POR: variants seen among roughly 807,000 people sequenced by gnomAD.
The protein encoded by POR is NADPH--cytochrome P450 reductase.
A neutral mutation model predicts 84.0 loss-of-function variants in POR; 56 were observed. The ratio of observed to expected loss-of-function variants is 0.67; its 90% CI spans 0.54 to 0.83. POR has a LOEUF of 0.83. Among genes scored for constraint, POR ranks in the 40% least tolerant of loss-of-function variants. POR has a pLI of 0.00. For synonymous variants in POR, 414 were observed against 400.5 expected (o/e 1.03, Z -0.40); for missense variants, 938 against 944.3 (o/e 0.99, Z 0.09).
chr7:75,917,861 G>A (rs1269083284), intron 1 of POR, among the ~76,000 whole-genome samples: 6 of 152,146 alleles, frequency 3.9e-5, no homozygotes, highest in Non-Finnish European at 7.3e-5. Flanking sequence ...AGCCTTAAAA[G>A]ACTTTCAAAT....
intron 1 of POR, among the ~76,000 whole-genome samples, chr7:75,916,534 G>A (rs1445440874): frequency 3.9e-5 from 6 of 152,070 alleles, no homozygotes; most frequent in Non-Finnish European, 4.4e-5. Flanking sequence ...TTAAGAGAGT[G>A]GTTTTTGAGC....
At chr7:75,984,149 T>A (rs1344758997) in intron 10 of POR, among the ~76,000 whole-genome samples, 1 of 152,184 alleles carries the variant, frequency 6.6e-6, no homozygotes, top group Non-Finnish European at 1.5e-5. Flanking sequence ...GGCCACTGTG[T>A]CCTGCTGGGA....
chr7:75,986,330 T>C lies in POR; in HGVS notation c.1899-7T>C. On this transcript the variant is annotated splice_polypyrimidine_tract_variant and splice_region_variant and intron_variant, in intron 15 of 15. Coordinates refer to ENST00000461988, the MANE Select transcript of POR (RefSeq NM_000941.3). ...CCCAGCCCCCAGCACCCCCTCTTCC[T>C]GCCCAGGGATGCACGGAACATGGCC... is the stretch of plus-strand genomic sequence containing the variant. 6.2e-7 allele frequency: 1 copy of C among 1,612,646 alleles called. No individual in the cohort carries two copies. The highest frequency in any genetic ancestry group is 8.5e-7 in the Non-Finnish European group (1 of 1,179,846).
chr7:75,940,816 C>T lies in POR; in HGVS notation c.-4-13173C>T, dbSNP rs191494582. On this transcript the variant is annotated intron_variant, in intron 1 of 15. Coordinates refer to ENST00000461988, the MANE Select transcript of POR (RefSeq NM_000941.3). The stretch of plus-strand genomic sequence containing the variant: ...AAAAAAGAAAAAACGTAGGCACTCT[C>T]ATAATGGTGAGGGTCATCCTGCCTC... Among the ~76,000 whole-genome samples the T allele has an allele frequency of 1.6e-4, 24 of 152,022 alleles. No homozygotes were observed. In the East Asian group the frequency reaches 2.3e-3, roughly 15 times the overall value.
At chr7:75,965,775 A>G (rs782215320) in intron 2 of POR, among the ~76,000 whole-genome samples, 11 of 152,150 alleles carry the variant, frequency 7.2e-5, no homozygotes, top group Non-Finnish European at 1.2e-4. Flanking sequence ...AGACTTGCTC[A>G]CGGAGTCCTG....
At chr7:75,952,629 C>T (rs1351168681) in intron 1 of POR, among the ~76,000 whole-genome samples, 9 of 151,522 alleles carry the variant, frequency 5.9e-5, no homozygotes, top group Admixed American at 2.0e-4. Flanking sequence ...AGAGACGCTC[C>T]TCACCTCCCA....
chr7:75,958,609 C>T (rs1217405997), intron 2 of POR, among the ~76,000 whole-genome samples: 3 of 152,092 alleles, frequency 2.0e-5, no homozygotes, highest in African/African-American at 4.8e-5. Context: ...GCTCCACAAG[C>T]CATGTTTTCT....
rs782056245 is a variant in POR at position 75,984,775 on chromosome 7, AGAG to A, written c.1069_1071del (p.Glu357del). 154 of 1,612,238 alleles carry A rather than the reference AGAG, an allele frequency of 9.6e-5. No homozygotes were observed. Among genetic ancestry groups the A allele is most frequent in the Non-Finnish European group, 5.4e-5 (64 of 1,179,692 alleles). On this transcript the variant is annotated splice_acceptor_variant and coding_sequence_variant, in exon 11 of 16. Coordinates refer to ENST00000461988, the MANE Select transcript of POR (RefSeq NM_000941.3). LOFTEE classifies it high-confidence loss of function. ...CAAGTCCTGCCTGTCTCTTCCCTGC[AGAG>A]GAGTCCAACAAGAAGCACCCATTCC...
In POR at chr7:75,986,708, TGCCTCTGGAG is replaced by T. The variant is rs1413980550; in HGVS notation, c.*236_*245del. 8 of 614,320 alleles carry T rather than the reference TGCCTCTGGAG, an allele frequency of 1.3e-5. No individual in the cohort carries two copies. Among genetic ancestry groups the T allele is most frequent in the African/African-American group, 9.2e-5 (5 of 54,224 alleles). The allele number at this position is 614,320 out of a possible 1,614,324, so 38.1% of individuals were successfully genotyped here. The stretch of plus-strand genomic sequence containing the variant: ...GCCTGCATGGGGGCACCGGGCTCCA[TGCCTCTGGAG>T]GCCTCTGGCCCTCGGTGGCTGCACA... On this transcript the variant is annotated 3_prime_UTR_variant, in exon 16 of 16. Coordinates refer to ENST00000461988, the MANE Select transcript of POR (RefSeq NM_000941.3).
chr7:75,986,008 C>T lies in POR; in HGVS notation c.1755C>T (p.Phe585=). The T allele has an allele frequency of 6.4e-7, 1 of 1,568,658 alleles. No homozygotes were observed. The highest frequency in any genetic ancestry group is 2.4e-5 in the East Asian group (1 of 42,260). The change falls in exon 14 of 16, where the codon TTC becomes TTT. Residue 585 remains phenylalanine, a synonymous_variant. Transcript: ENST00000461988. The stretch of plus-strand genomic sequence containing the variant: ...TGTACCGGGAGGAGCTGGCGCAGTT[C>T]CACAGGGACGGTGCGCTCACCCAGC...
At chr7:75,954,776 C>T (rs1415509793) in intron 2 of POR, among the ~76,000 whole-genome samples, 2 of 149,536 alleles carry the variant, frequency 1.3e-5, no homozygotes, top group Non-Finnish European at 3.0e-5. Context: ...GGTGCGATCT[C>T]GGCTCACTGC....
intron 1 of POR, among the ~76,000 whole-genome samples, chr7:75,953,741 G>A (rs1466643148): frequency 6.6e-6 from 1 of 152,182 alleles, no homozygotes; most frequent in Non-Finnish European, 1.5e-5. Flanking sequence ...TGCTGCCTTA[G>A]CTTGCACCCC....
At position 75,984,839 on chromosome 7, in the gene POR, T is replaced by A. The variant is rs370230471; in HGVS notation, c.1129T>A (p.Tyr377Asn). The change falls in exon 11 of 16, where the codon TAC becomes AAC. Residue 377 changes from tyrosine to asparagine, a missense_variant. Coordinates refer to ENST00000461988, the MANE Select transcript of POR (RefSeq NM_000941.3). ...GTCCTACCGCACGGCCCTCACCTAC[T>A]ACCTGGACATCACCAACCCGCCGCG... 1 of 1,612,404 alleles carries A rather than the reference T, an allele frequency of 6.2e-7. No homozygotes were observed. The highest frequency in any genetic ancestry group is 1.3e-5 in the African/African-American group (1 of 74,902).
At chr7:75,942,597 A>G (rs1186133490) in intron 1 of POR, among the ~76,000 whole-genome samples, 1 of 151,912 alleles carries the variant, frequency 6.6e-6, no homozygotes, top group South Asian at 2.1e-4. Context: ...AATTTCCTTC[A>G]TACTTAGATC....
At chr7:75,926,538 G>C (rs1186369754) in intron 1 of POR, among the ~76,000 whole-genome samples, 1 of 152,140 alleles carries the variant, frequency 6.6e-6, no homozygotes, top group African/African-American at 2.4e-5. Context: ...GCTCACACCT[G>C]TAATCCCAGC....
chr7:75,940,950 C>G (rs1396397319), intron 1 of POR, among the ~76,000 whole-genome samples: 1 of 152,118 alleles, frequency 6.6e-6, no homozygotes, highest in African/African-American at 2.4e-5. Flanking sequence ...CGCTTGAGCC[C>G]AGGAGTTTGA....
chr7:75,925,565 A>G (rs1303498616), intron 1 of POR, among the ~76,000 whole-genome samples: 4 of 152,170 alleles, frequency 2.6e-5, no homozygotes, highest in Non-Finnish European at 4.4e-5. Flanking sequence ...GGGCCTTTAC[A>G]CGAGGATCAT....
intron 1 of POR, chr7:75,918,747 G>A (rs1417896375): frequency 1.3e-5 from 2 of 152,174 alleles, no homozygotes; most frequent in African/African-American, 2.4e-5. Flanking sequence ...GCTTTTATTA[G>A]TGCTGAGCCT....
rs371420725 is a variant in POR, at chr7:75,986,409, G to C, written c.1971G>C (p.Glu657Asp). Residue 657 changes from glutamate to aspartate, a missense_variant, in exon 16 of 16, where the codon GAG becomes GAC. Physicochemically the swap from Glu to Asp is conservative, Grantham distance 45. Coordinates refer to ENST00000461988, the MANE Select transcript of POR (RefSeq NM_000941.3). Reference sequence around the variant, plus strand: ...TCGTGGCTGAGCTCGGGGCCATGGAGCACGCGCAGGCGGTGGACTACATCA... The same window carrying C: ...TCGTGGCTGAGCTCGGGGCCATGGACCACGCGCAGGCGGTGGACTACATCA... The C allele has an allele frequency of 4.0e-5, 64 of 1,612,454 alleles. No individual in the cohort carries two copies. Among genetic ancestry groups the C allele is most frequent in the Non-Finnish European group, 5.2e-5 (61 of 1,179,870 alleles).
Sources: gnomAD v4.1 joint callset for allele counts (sites outside exome capture counted in the v4.1 genomes callset) on GRCh38, gnomAD v4.1.1 for gene constraint, MANE v1.5 for transcripts, NCBI Gene and HGNC (gene_info 2026-07-23, HGNC 2026-07-21) for gene names.